The following PYROXD1 variants were observed in gnomAD, a reference collection of about 807,000 sequenced individuals.
PYROXD1 encodes the protein tRNA ligase complex-associated NAD(P)H dehydrogenase PYROXD1.
In PYROXD1, 42 loss-of-function variants were observed where a neutral mutation model predicts 62.0. That is an observed-to-expected ratio of 0.68 (90% CI 0.53 to 0.88). PYROXD1 has a LOEUF of 0.88. PYROXD1 is among the 40% of genes least tolerant of loss of function. The probability of loss-of-function intolerance (pLI) is 0.00; values close to 1 mark genes in which losing one functional copy is unlikely to be tolerated. For synonymous variants in PYROXD1, 170 were observed against 206.4 expected (o/e 0.82, Z 1.51); for missense variants, 493 against 604.8 (o/e 0.82, Z 1.94).
chr12:21,454,963 T>G, intron 5 of PYROXD1, 169 bp from the exon 6 acceptor site: 1 of 397,322 alleles, frequency 2.5e-6, no homozygotes, highest in Non-Finnish European at 4.5e-6. Flanking sequence ...AATTTTTAAT[T>G]CTTAACATCT....
rs748638475 is a variant in PYROXD1, at chr12:21,449,610, T to C, written c.333T>C (p.Cys111=). 3.7e-6 allele frequency: 6 copies of C among 1,613,376 alleles called. No homozygotes were observed. Among genetic ancestry groups the C allele is most frequent in the South Asian group, 1.1e-5 (1 of 91,020 alleles). The change falls in exon 4 of 12, where the codon TGT becomes TGC. Residue 111 remains cysteine (C), a synonymous_variant. Transcript: ENST00000240651. ...ATCAGCACGTATATAAGAAACTCTG[T>C]CTGTGTGCTGGAGCTAAACCAAAGT... The part of the protein sequence containing the change: ...DGNQHVYKKL[C]LCAGAKPKLI...
At chr12:21,448,694 A>G (rs911248901) in intron 3 of PYROXD1, among the ~76,000 whole-genome samples, 1 of 152,216 alleles carries the variant, frequency 6.6e-6, no homozygotes, top group African/African-American at 2.4e-5. Flanking sequence ...AACACTTGGC[A>G]CAAACATTAA....
intron 5 of PYROXD1, among the ~76,000 whole-genome samples, chr12:21,452,809 G>A (rs887933231): frequency 2.6e-5 from 4 of 152,020 alleles, no homozygotes; most frequent in African/African-American, 9.7e-5. Context: ...TCTTTTTCAG[G>A]CCATAAAGTT....
chr12:21,442,823 T>C lies in PYROXD1; in HGVS notation c.165+2375T>C, dbSNP rs142994467. 3.4e-3 allele frequency among the ~76,000 whole-genome samples: 517 copies of C among 152,358 alleles called. 4 individuals carry two copies. Among genetic ancestry groups the C allele is most frequent in the African/African-American group, 0.011 (459 of 41,590 alleles). ...CCATTTACCACAGTGGTCCCCACCA[T>C]GTGGCTGATACTGATAGCCTCTGCC... On this transcript the variant is annotated intron_variant, in intron 2 of 11. Transcript: ENST00000240651.
At chr12:21,464,787 A>C (rs1591957361) in intron 10 of PYROXD1, among the ~76,000 whole-genome samples, 1 of 151,762 alleles carries the variant, frequency 6.6e-6, no homozygotes, top group East Asian at 1.9e-4. Flanking sequence ...CAAGTTTGTT[A>C]CATATGTATA....
intron 3 of PYROXD1, among the ~76,000 whole-genome samples, chr12:21,446,623 A>AAATTAT (rs1247261099): frequency 3.3e-5 from 5 of 151,824 alleles, no homozygotes; most frequent in African/African-American, 1.2e-4. Flanking sequence ...TTATGTGAAG[A>AAATTAT]GTCAGGAAAT....
At chr12:21,460,085 GCATGCAGTCCTT>G (rs1244899591) in intron 7 of PYROXD1, among the ~76,000 whole-genome samples, 1 of 152,064 alleles carries the variant, frequency 6.6e-6, no homozygotes, top group Non-Finnish European at 1.5e-5. Flanking sequence ...TAAGAAGCAT[GCATGCAGTCCTT>G]CGTTACTTTG....
Position 21,462,054 on chromosome 12 carries a change from C to A in PYROXD1, c.927C>A (p.Gly309=). 5 of 1,612,360 alleles carry A rather than the reference C, an allele frequency of 3.1e-6. No individual in the cohort carries two copies. The highest frequency in any genetic ancestry group is 4.2e-6 in the Non-Finnish European group (5 of 1,179,378). ...AATTGACCAATGAAAAGATATATGGCTGCGATTTCATTGTCAGTGCTACAG... is the reference window on the plus strand; with the variant it reads ...AATTGACCAATGAAAAGATATATGGATGCGATTTCATTGTCAGTGCTACAG... ...YVELTNEKIY[G]CDFIVSATGV... is the part of the protein sequence containing the mutation. The change falls in exon 9 of 12, where the codon GGC becomes GGA. Residue 309 remains glycine, a synonymous_variant. Transcript: ENST00000240651.
chr12:21,463,859 G>A (rs1942743500), intron 10 of PYROXD1, among the ~76,000 whole-genome samples: 1 of 152,160 alleles, frequency 6.6e-6, no homozygotes, highest in Admixed American at 6.5e-5. Context: ...GTGCAGAGGG[G>A]TAGAGACCTA....
Position 21,440,430 on chromosome 12 carries a change from A to G in PYROXD1, c.147A>G (p.Ala49=), listed in dbSNP as rs1391176364. ...LLVTASPVIK[A]VTNFKQISKI... is the part of the protein sequence containing the mutation. ...TAACAGCTTCTCCTGTTATTAAAGC[A>G]GTTACAAATTTCAAGCAGGTAAGAA... Residue 49 remains alanine (A), a synonymous_variant, in exon 2 of 12, where the codon GCA becomes GCG. Transcript: ENST00000240651. 2 of 1,596,524 alleles carry G rather than the reference A, an allele frequency of 1.3e-6. No individual in the cohort carries two copies. The highest frequency in any genetic ancestry group is 1.7e-6 in the Non-Finnish European group (2 of 1,169,878).
intron 10 of PYROXD1, among the ~76,000 whole-genome samples, chr12:21,464,387 A>G (rs987299626): frequency 2.6e-5 from 4 of 152,052 alleles, no homozygotes; most frequent in African/African-American, 9.7e-5. Context: ...ACCCCCAGCC[A>G]TAAACTGCCT....
intron 11 of PYROXD1, 110 bp downstream of exon 11, chr12:21,467,728 C>T: frequency 3.6e-6 from 3 of 839,652 alleles, no homozygotes; most frequent in Non-Finnish European, 5.6e-6. Context: ...TAATCATCTA[C>T]AAAAAAATGA....
In PYROXD1 at chr12:21,449,862, T is replaced by C. The variant is rs55738536; in HGVS notation, c.414+171T>C. On this transcript the variant is annotated intron_variant, in intron 4 of 11. Transcript: ENST00000240651. ...TTATTCCTGCCAATTTTCTTTCTTT[T>C]TTTTTTTTTTTTTGAAACGGAGTCT... 0.055 allele frequency among the ~76,000 whole-genome samples: 2,223 copies of C among 40,736 alleles called. 43 individuals carry two copies. Among genetic ancestry groups the C allele is most frequent in the African/African-American group, 0.16 (1,940 of 12,020 alleles). 26.7% of individuals were successfully genotyped at this position (40,736 alleles called of 152,430 possible). A position where few individuals can be genotyped will look rare whatever the true frequency, so the allele number is the denominator to read the frequency against.
chr12:21,464,538 A>G (rs142322291), intron 10 of PYROXD1, among the ~76,000 whole-genome samples: 2 of 152,310 alleles, frequency 1.3e-5, no homozygotes, highest in Non-Finnish European at 2.9e-5. Flanking sequence ...TTAAGTACAT[A>G]TGCACATACA....
chr12:21,445,220 C>T, intron 2 of PYROXD1, 127 bp from the exon 3 acceptor site: 1 of 988,412 alleles, frequency 1.0e-6, no homozygotes. Context: ...CTATATAGTG[C>T]AGTTGGCTAA....
chr12:21,461,262 T>G (rs545784408), intron 8 of PYROXD1, 108 bp downstream of exon 8: 78 of 685,296 alleles, frequency 1.1e-4, no homozygotes, highest in Non-Finnish European at 1.5e-4. Context: ...ATATAAAATT[T>G]AAACATGAAA....
chr12:21,441,447 CT>C (rs1275617157), intron 2 of PYROXD1: 6 of 39,634 alleles, frequency 1.5e-4, no homozygotes, highest in Non-Finnish European at 2.2e-4. Context: ...TTCCCTACTT[CT>C]ATGTTCTTTT....
At chr12:21,447,507 A>G (rs1437349317) in intron 3 of PYROXD1, 1 of 159,088 alleles carries the variant, frequency 6.3e-6, no homozygotes, top group African/African-American at 2.4e-5. Context: ...TCCCACATGC[A>G]GTGCATGTCT....
Position 21,451,680 on chromosome 12 carries a change from A to AATCTTAACCACTAT in PYROXD1, c.415-401_415-400insATCTTAACCACTAT, listed in dbSNP as rs1245066390. On this transcript the variant is annotated intron_variant, in intron 4 of 11. Coordinates refer to ENST00000240651, the MANE Select transcript of PYROXD1 (RefSeq NM_024854.5). ...TGTGCTCTTAACCACTATGCTGCTG[A>AATCTTAACCACTAT]GCTTCTCATTCCTAGAAGTTTTAAG... Among the ~76,000 whole-genome samples the AATCTTAACCACTAT allele has an allele frequency of 7.5e-5, 8 of 106,354 alleles. No individual in the cohort carries two copies. In the South Asian group the frequency reaches 2.3e-3, roughly 30 times the overall value. 69.8% of individuals were successfully genotyped at this position (106,354 alleles called of 152,430 possible). A position where few individuals can be genotyped will look rare whatever the true frequency, so the allele number is the denominator to read the frequency against.
Sources: gnomAD v4.1 joint callset for allele counts (sites outside exome capture counted in the v4.1 genomes callset) on GRCh38, gnomAD v4.1.1 for gene constraint, MANE v1.5 for transcripts, NCBI Gene and HGNC (gene_info 2026-07-23, HGNC 2026-07-21) for gene names.